Variants in ABCC6 observed in about 807,000 individuals in gnomAD.
The protein encoded by ABCC6 is ATP-binding cassette sub-family C member 6.
ABCC6 carries 126 observed loss-of-function variants against 169.5 expected under a neutral mutation model. The ratio of observed to expected loss-of-function variants is 0.74; its 90% CI spans 0.64 to 0.86. The LOEUF (loss-of-function observed/expected upper bound fraction) is 0.86, where lower values mean the gene tolerates loss of function less well. Among genes scored for constraint, ABCC6 ranks in the 40% least tolerant of loss-of-function variants. The pLI is 0.00. For missense variants in ABCC6, 1,733 were observed against 1,927.2 expected, an observed-to-expected ratio of 0.90 and a Z score of 1.89; for synonymous variants, 752 against 814.7, an observed-to-expected ratio of 0.92 and a Z score of 1.31.
At chr16:16,206,469 A>C (rs1596726733) in intron 7 of ABCC6, among the ~76,000 whole-genome samples, 1 of 151,812 alleles carries the variant, frequency 6.6e-6, no homozygotes, top group African/African-American at 2.4e-5. Flanking sequence ...CCCGCCTCTA[A>C]TAAAAAATAC....
At chr16:16,151,889 T>C (rs1178726334) in intron 29 of ABCC6, among the ~76,000 whole-genome samples, 1 of 151,828 alleles carries the variant, frequency 6.6e-6, no homozygotes, top group East Asian at 1.9e-4. Context: ...CGTGACGACA[T>C]GGCACATAAA....
At chr16:16,214,644 G>C (rs537793439) in intron 4 of ABCC6, among the ~76,000 whole-genome samples, 195 bp from the exon 5 acceptor site, 1 of 151,854 alleles carries the variant, frequency 6.6e-6, no homozygotes. Flanking sequence ...TCACTTGGTC[G>C]CCCAGGCTGA....
rs368465318 is a variant in ABCC6 at position 16,169,698 on chromosome 16, C to A, written c.2943G>T (p.Gln981His). ...TCCCGCCACGCAGGGCTGCCTGCGT[C>A]TGCTGCCCACCTACTGCAGGGTCGT... is the stretch of plus-strand genomic sequence containing the variant. ...WADDPAVGGQ[Q>H]TQAALRGGIF... The change falls in exon 22 of 31, where the codon CAG becomes CAT. Residue 981 changes from glutamine (Q) to histidine (H), a missense_variant. Gln to His is a conservative substitution (Grantham distance 24). Coordinates refer to ENST00000205557, the MANE Select transcript of ABCC6 (RefSeq NM_001171.6). 1.3e-5 allele frequency: 21 copies of A among 1,611,422 alleles called. No homozygotes were observed. In the East Asian group the frequency reaches 4.5e-4, roughly 34 times the overall value.
intron 27 of ABCC6, 115 bp from the exon 28 acceptor site, chr16:16,155,146 T>C: frequency 8.1e-7 from 1 of 1,236,094 alleles, no homozygotes; most frequent in Non-Finnish European, 1.1e-6. Context: ...TGTGTAAAGG[T>C]CTACCTTCCA....
At chr16:16,192,347 G>A (rs144079192) in intron 11 of ABCC6, among the ~76,000 whole-genome samples, 1 of 152,288 alleles carries the variant, frequency 6.6e-6, no homozygotes, top group East Asian at 1.9e-4. Flanking sequence ...GGCTCAGTCT[G>A]AGGAAAATGG....
rs200718671 is a variant in ABCC6, at chr16:16,211,095, C to CAA, written c.662+1088_662+1089dup. 1.2e-3 allele frequency among the ~76,000 whole-genome samples: 177 copies of CAA among 143,040 alleles called. 1 individual carries two copies. The Middle Eastern group carries it at 0.018, about 15-fold the overall frequency. 93.8% of individuals were successfully genotyped at this position (143,040 alleles called of 152,430 possible). ...GGGCAACAAGAGTGAAACTCTGTCTCAAAAAAAAAAAGAGAAAATGAATAG... is the reference window on the plus strand; with the variant it reads ...GGGCAACAAGAGTGAAACTCTGTCTCAAAAAAAAAAAAAGAGAAAATGAATAG... On this transcript the variant is annotated intron_variant, in intron 6 of 30. Transcript: ENST00000205557.
At chr16:16,221,972 C>A in intron 1 of ABCC6, 141 bp from the exon 2 acceptor site, 1 of 1,273,384 alleles carries the variant, frequency 7.9e-7, no homozygotes, top group Non-Finnish European at 1.1e-6. Context: ...CCTACTAATT[C>A]TCAATTCCTT....
rs2239319 is a variant in ABCC6, at chr16:16,214,494, G to A, written c.475-45C>T. The A allele has an allele frequency of 0.026, 40,921 of 1,551,506 alleles. 2,883 individuals carry two copies. The East Asian group carries it at 0.32, about 12-fold the overall frequency. On this transcript the variant is annotated intron_variant, in intron 4 of 30. Coordinates refer to ENST00000205557, the MANE Select transcript of ABCC6 (RefSeq NM_001171.6). ...AGATAAGGAATGGAGACAGAGGAGG[G>A]TGCTCAGAGGAGAGAAAAGGTTTCT...
intron 9 of ABCC6, among the ~76,000 whole-genome samples, chr16:16,199,181 A>G (rs1253529022): frequency 2.0e-5 from 3 of 149,412 alleles, no homozygotes; most frequent in Non-Finnish European, 4.5e-5. Flanking sequence ...AAAAAATTCT[A>G]TGGATAAATT....
intron 12 of ABCC6, 113 bp from the exon 13 acceptor site, chr16:16,189,087 C>A: frequency 8.0e-7 from 1 of 1,256,922 alleles, no homozygotes; most frequent in Non-Finnish European, 1.1e-6. Flanking sequence ...GCCATGTCCG[C>A]ATGTGCTTCC....
Position 16,182,874 on chromosome 16 carries a change from G to T in ABCC6, c.2000C>A (p.Ala667Glu). ...CLLAVVGPVG[A>E]GKSSLLSALL... Reference sequence around the variant, plus strand: ...GGCGGACAGCAGGGAGGACTTCCCTGCCCCCACTGGACCGACAACAGCCAG... The same window carrying T: ...GGCGGACAGCAGGGAGGACTTCCCTTCCCCCACTGGACCGACAACAGCCAG... Residue 667 changes from alanine to glutamate, a missense_variant, in exon 16 of 31, where the codon GCA becomes GAA. Coordinates refer to ENST00000205557, the MANE Select transcript of ABCC6 (RefSeq NM_001171.6). 1 of 1,614,024 alleles carries T rather than the reference G, an allele frequency of 6.2e-7. No homozygotes were observed. Among genetic ancestry groups the T allele is most frequent in the Non-Finnish European group, 8.5e-7 (1 of 1,180,008 alleles).
chr16:16,209,453 A>C (rs1357195693), intron 6 of ABCC6, among the ~76,000 whole-genome samples: 1 of 152,116 alleles, frequency 6.6e-6, no homozygotes, highest in African/African-American at 2.4e-5. Flanking sequence ...ACAGATGGGG[A>C]AGGAAATAGA....
chr16:16,160,802 C>T (rs1015434278), intron 25 of ABCC6, among the ~76,000 whole-genome samples: 4 of 152,034 alleles, frequency 2.6e-5, no homozygotes, highest in Admixed American at 6.6e-5. Context: ...GAGATCCTGT[C>T]TCAAACAGCA....
At chr16:16,155,396 T>C (rs947104706) in intron 27 of ABCC6, 5 of 320,488 alleles carry the variant, frequency 1.6e-5, no homozygotes, top group Admixed American at 9.2e-5. Flanking sequence ...CTTATCCTTT[T>C]TTCCACCCCA....
chr16:16,187,548 C>T (rs1055158822), intron 13 of ABCC6, among the ~76,000 whole-genome samples: 3 of 152,138 alleles, frequency 2.0e-5, no homozygotes, highest in Admixed American at 6.6e-5. Context: ...CACCTGGGGG[C>T]GCTCTCTCCC....
chr16:16,189,822 G>A (rs551850413), intron 12 of ABCC6, among the ~76,000 whole-genome samples: 63 of 152,244 alleles, frequency 4.1e-4, no homozygotes, highest in African/African-American at 1.4e-3. Flanking sequence ...GTGACAGGGT[G>A]GCTATGGACA....
rs1156237445 is a variant in ABCC6 at position 16,169,859 on chromosome 16, GCA to G, written c.2788-8_2788-7del. The G allele has an allele frequency of 6.4e-7, 1 of 1,551,726 alleles. No individual in the cohort carries two copies. Among genetic ancestry groups the G allele is most frequent in the Admixed American group, 2.0e-5 (1 of 51,058 alleles). On this transcript the variant is annotated splice_region_variant and splice_polypyrimidine_tract_variant and intron_variant, in intron 21 of 30. Transcript: ENST00000205557. ...AGGTGCACTGTGGCCTTCACCTGTA[GCA>G]CACATGAGGGAGAGGGAGGCAGAGA...
intron 21 of ABCC6, among the ~76,000 whole-genome samples, chr16:16,172,068 G>GGTGGGATGCATAAATGA: frequency 1.3e-4 from 2 of 15,674 alleles, no homozygotes; most frequent in African/African-American, 2.2e-4. Context: ...TAAATGAGTG[G>GGTGGGATGCATAAATGA]GTGGGATGGA....
At chr16:16,204,905 G>A (rs1159631864) in intron 7 of ABCC6, among the ~76,000 whole-genome samples, 7 of 148,546 alleles carry the variant, frequency 4.7e-5, no homozygotes, top group Non-Finnish European at 7.4e-5. Flanking sequence ...TAGCAATCTC[G>A]GCTCACCGCA....
Sources: allele counts gnomAD v4.1 joint callset (sites outside exome capture counted in the v4.1 genomes callset), GRCh38; gene constraint gnomAD v4.1.1; transcripts MANE v1.5; gene names NCBI Gene and HGNC (gene_info 2026-07-23, HGNC 2026-07-21).